The following GABRB1 variants were observed in gnomAD, a reference collection of about 807,000 sequenced individuals.
The protein encoded by GABRB1 is gamma-aminobutyric acid type A receptor subunit beta1, also known as gamma-aminobutyric acid receptor subunit beta-1.
Under a neutral mutation model 51.6 loss-of-function variants are expected in GABRB1, and 17 were observed. The ratio of observed to expected loss-of-function variants is 0.33; its 90% CI spans 0.23 to 0.49. The LOEUF is 0.49. Among genes scored for constraint, GABRB1 ranks in the 20% least tolerant of loss-of-function variants. GABRB1 has a pLI of 0.99. For synonymous variants in GABRB1, 247 were observed against 218.9 expected, an observed-to-expected ratio of 1.13 and a Z score of -1.14; for missense variants, 410 against 600.6, an observed-to-expected ratio of 0.68 and a Z score of 3.32.
chr4:47,410,811 A>G (rs997501453), intron 8 of GABRB1, among the ~76,000 whole-genome samples: 1 of 152,210 alleles, frequency 6.6e-6, no homozygotes, highest in Non-Finnish European at 1.5e-5. Flanking sequence ...TAAGCACATT[A>G]GGTTTTCCAT....
chr4:47,246,343 T>TAC (rs1721751696), intron 4 of GABRB1, among the ~76,000 whole-genome samples: 1 of 6,530 alleles, frequency 1.5e-4, no homozygotes, highest in African/African-American at 8.3e-4. Flanking sequence ...TGTACATATA[T>TAC]ATATATATAT....
At chr4:47,157,863 T>G (rs905412338) in intron 3 of GABRB1, among the ~76,000 whole-genome samples, 1 of 152,080 alleles carries the variant, frequency 6.6e-6, no homozygotes, top group Non-Finnish European at 1.5e-5. Context: ...CAGAAATGCA[T>G]TAAAAGACCA....
chr4:47,382,377 T>G (rs987029602), intron 5 of GABRB1, among the ~76,000 whole-genome samples: 10 of 152,146 alleles, frequency 6.6e-5, no homozygotes, highest in Non-Finnish European at 2.9e-5. Flanking sequence ...GCAGGGGAAA[T>G]CACCTGAGGT....
At chr4:47,394,013 A>T (rs1728096278) in intron 5 of GABRB1, among the ~76,000 whole-genome samples, 1 of 152,214 alleles carries the variant, frequency 6.6e-6, no homozygotes, top group Middle Eastern at 3.2e-3. Context: ...TTCATCAGGG[A>T]TCCTGATGGA....
intron 1 of GABRB1, among the ~76,000 whole-genome samples, chr4:47,009,485 G>A (rs1233322356): frequency 6.6e-6 from 1 of 152,086 alleles, no homozygotes; most frequent in African/African-American, 2.4e-5. Flanking sequence ...TGTGTTTAAT[G>A]TGCTTACATT....
At chr4:47,111,444 T>C (rs952115232) in intron 3 of GABRB1, among the ~76,000 whole-genome samples, 18 of 138,100 alleles carry the variant, frequency 1.3e-4, no homozygotes, top group African/African-American at 4.2e-4. Flanking sequence ...ATTATATATA[T>C]GGATTTAAAA....
chr4:47,220,854 T>C (rs1382494189), intron 4 of GABRB1, among the ~76,000 whole-genome samples: 1 of 152,008 alleles, frequency 6.6e-6, no homozygotes, highest in African/African-American at 2.4e-5. Context: ...TTCTCTCCAA[T>C]TGAATCTAAC....
intron 3 of GABRB1, among the ~76,000 whole-genome samples, chr4:47,062,545 T>C (rs1368314121): frequency 6.6e-6 from 1 of 152,010 alleles, no homozygotes; most frequent in East Asian, 1.9e-4. Flanking sequence ...GATGTAAATA[T>C]TGTCGTATAT....
intron 4 of GABRB1, among the ~76,000 whole-genome samples, chr4:47,204,132 G>A (rs764012638): frequency 6.6e-6 from 1 of 152,110 alleles, no homozygotes; most frequent in Non-Finnish European, 1.5e-5. Context: ...TATTTTTGAT[G>A]AGGTGATTAA....
chr4:47,209,537 T>C (rs968778576), intron 4 of GABRB1, among the ~76,000 whole-genome samples: 2 of 152,170 alleles, frequency 1.3e-5, no homozygotes, highest in Non-Finnish European at 2.9e-5. Flanking sequence ...GTAACTACAA[T>C]AACACTCTCT....
At chr4:47,331,350 A>G (rs1394601158) in intron 5 of GABRB1, among the ~76,000 whole-genome samples, 1 of 152,180 alleles carries the variant, frequency 6.6e-6, no homozygotes, top group African/African-American at 2.4e-5. Context: ...AAGTTATAAA[A>G]TAAAAGCCAG....
chr4:47,246,142 A>G (rs1356483674), intron 4 of GABRB1, among the ~76,000 whole-genome samples: 3 of 148,762 alleles, frequency 2.0e-5, no homozygotes, highest in African/African-American at 4.9e-5. Flanking sequence ...CTTAGCTCCT[A>G]CATATCAGTG....
chr4:47,137,550 A>G (rs959597356), intron 3 of GABRB1, among the ~76,000 whole-genome samples: 3 of 152,134 alleles, frequency 2.0e-5, no homozygotes, highest in African/African-American at 7.2e-5. Flanking sequence ...GCTGGAAGTA[A>G]CCAAGAAGAT....
chr4:47,181,901 T>C (rs1347891615), intron 4 of GABRB1, among the ~76,000 whole-genome samples: 1 of 152,044 alleles, frequency 6.6e-6, no homozygotes, highest in Non-Finnish European at 1.5e-5. Context: ...CCCAAACTTC[T>C]AGCGGGGAGT....
rs547915723 is a variant in GABRB1, at chr4:47,099,374, TTTTCATTACTCCA to T, written c.241-61871_241-61859del. ...AGACAAAATATGAACTATGTTGGAC[TTTTCATTACTCCA>T]TTTTTGAGCTCTGGCACACATAACT... On this transcript the variant is annotated intron_variant, in intron 3 of 8. Transcript: ENST00000295454. 2.1e-3 allele frequency among the ~76,000 whole-genome samples: 326 copies of T among 152,220 alleles called. 2 individuals are homozygous for T. The highest frequency in any genetic ancestry group is 3.7e-3 in the Non-Finnish European group (251 of 67,970).
chr4:47,320,038 C>T lies in GABRB1; in HGVS notation c.462-89C>T, dbSNP rs1005075232. 3 of 893,492 alleles carry T rather than the reference C, an allele frequency of 3.4e-6. No individual in the cohort carries two copies. In the African/African-American group the frequency reaches 4.9e-5, roughly 15 times the overall value. The allele number at this position is 893,492 out of a possible 1,614,324, so 55.3% of individuals were successfully genotyped here. A position where few individuals can be genotyped will look rare whatever the true frequency, so the allele number is the denominator to read the frequency against. On this transcript the variant is annotated intron_variant, in intron 4 of 8. Transcript: ENST00000295454. Reference sequence around the variant, plus strand: ...AATTTTGATGCCTTGTTTCTGCCAACTGGTAAACATGATTTGGGGCTAGGA... The same window carrying T: ...AATTTTGATGCCTTGTTTCTGCCAATTGGTAAACATGATTTGGGGCTAGGA...
At chr4:47,258,783 A>G (rs571601951) in intron 4 of GABRB1, among the ~76,000 whole-genome samples, 1 of 152,296 alleles carries the variant, frequency 6.6e-6, no homozygotes, top group African/African-American at 2.4e-5. Flanking sequence ...AAGCTGTTAA[A>G]TTTATTTTCC....
At chr4:47,311,767 C>T (rs899546846) in intron 4 of GABRB1, among the ~76,000 whole-genome samples, 20 of 152,140 alleles carry the variant, frequency 1.3e-4, no homozygotes, top group African/African-American at 4.8e-4. Flanking sequence ...GTGCTTAGTA[C>T]AGTGCCTGTC....
At chr4:47,082,665 G>A (rs1298954141) in intron 3 of GABRB1, among the ~76,000 whole-genome samples, 1 of 152,056 alleles carries the variant, frequency 6.6e-6, no homozygotes, top group East Asian at 1.9e-4. Context: ...TGTCACTAAA[G>A]TCTAAGAACC....
Sources: gnomAD v4.1 joint callset for allele counts (sites outside exome capture counted in the v4.1 genomes callset) on GRCh38, gnomAD v4.1.1 for gene constraint, MANE v1.5 for transcripts, NCBI Gene and HGNC (gene_info 2026-07-23, HGNC 2026-07-21) for gene names.